Variants in LRP5 observed in about 807,000 individuals in gnomAD.
LRP5 encodes the protein low-density lipoprotein receptor-related protein 5.
A neutral mutation model predicts 154.1 loss-of-function variants in LRP5; 62 were observed. The ratio of observed to expected loss-of-function variants is 0.40; its 90% CI spans 0.33 to 0.50. The LOEUF (loss-of-function observed/expected upper bound fraction) is 0.50. Among genes scored for constraint, LRP5 ranks in the 20% least tolerant of loss-of-function variants. The pLI, the probability that LRP5 is intolerant of heterozygous loss-of-function variation, is 0.55. For synonymous variants in LRP5, 966 were observed against 1,011.5 expected (o/e 0.96, Z 0.85); for missense variants, 1,915 against 2,336.7 (o/e 0.82, Z 3.72).
chr11:68,366,930 C>T (rs982938420), intron 5 of LRP5, among the ~76,000 whole-genome samples: 3 of 131,448 alleles, frequency 2.3e-5, no homozygotes, highest in African/African-American at 8.6e-5. Context: ...GGCATTGCTC[C>T]GAGGCACTGG....
intron 1 of LRP5, among the ~76,000 whole-genome samples, chr11:68,326,815 C>T (rs572347675): frequency 6.6e-6 from 1 of 152,378 alleles, no homozygotes; most frequent in East Asian, 1.9e-4. Context: ...ACACCAGAGT[C>T]CTTGCGGCAT....
chr11:68,374,578 G>C (rs1298421306), intron 5 of LRP5, among the ~76,000 whole-genome samples: 1 of 152,144 alleles, frequency 6.6e-6, no homozygotes, highest in Admixed American at 6.5e-5. Flanking sequence ...GTGTACATTT[G>C]GATTAACTTT....
intron 20 of LRP5, among the ~76,000 whole-genome samples, chr11:68,439,539 G>T (rs965873053): frequency 6.6e-6 from 1 of 152,138 alleles, no homozygotes; most frequent in Admixed American, 6.5e-5. Context: ...TGCCCCAGTC[G>T]CAGGCCCCTT....
intron 8 of LRP5, 40 bp from the exon 9 acceptor site, chr11:68,406,484 C>T: frequency 1.9e-6 from 3 of 1,606,794 alleles, no homozygotes; most frequent in Non-Finnish European, 2.6e-6. Flanking sequence ...CCCTGCTGGG[C>T]TGTTGATGTT....
the LRP5 span, among the ~76,000 whole-genome samples, chr11:68,305,346 C>A: frequency 1.3e-5 from 2 of 151,980 alleles, no homozygotes; most frequent in African/African-American, 4.8e-5. Context: ...GCCTTCCCAG[C>A]AACCAAGCAG....
rs1329203152 is a variant in LRP5 at position 68,389,887 on chromosome 11, G to A, written c.1419G>A (p.Met473Ile). 6.2e-7 allele frequency: 1 copy of A among 1,614,256 alleles called. No homozygotes were observed. The stretch of plus-strand genomic sequence containing the variant: ...ACTTCTGCTTCTTCTCCAGCCTCAT[G>A]TACTGGACAGACTGGGGAGAGAACC... ...AIALHPVMGL[M>I]YWTDWGENPK... Residue 473 changes from methionine to isoleucine, a missense_variant, in exon 7 of 23, where the codon ATG (methionine) becomes ATA (isoleucine). Coordinates refer to ENST00000294304, the MANE Select transcript of LRP5 (RefSeq NM_002335.4).
At chr11:68,401,350 A>G (rs2098652537) in intron 7 of LRP5, among the ~76,000 whole-genome samples, 2 of 152,156 alleles carry the variant, frequency 1.3e-5, no homozygotes, top group Non-Finnish European at 2.9e-5. Context: ...GAGAGCTCAG[A>G]CTTCCAGGCA....
At chr11:68,306,290 C>T in the LRP5 span, among the ~76,000 whole-genome samples, 4 of 152,206 alleles carry the variant, frequency 2.6e-5, no homozygotes, top group African/African-American at 7.2e-5. Flanking sequence ...CACCCGCCAC[C>T]ATGCCTTGCT....
chr11:68,337,712 A>C (rs1242343237), intron 1 of LRP5, among the ~76,000 whole-genome samples: 5 of 151,612 alleles, frequency 3.3e-5, no homozygotes, highest in Non-Finnish European at 7.4e-5. Context: ...ACCCATAGTC[A>C]GGTCTACCTC....
chr11:68,383,673 G>T (rs1454115323), intron 5 of LRP5, among the ~76,000 whole-genome samples: 1 of 152,240 alleles, frequency 6.6e-6, no homozygotes, highest in Non-Finnish European at 1.5e-5. Flanking sequence ...TGTGCTGGGG[G>T]CTGTGGAGAG....
intron 4 of LRP5, among the ~76,000 whole-genome samples, chr11:68,364,757 C>T (rs1181846941): frequency 6.6e-6 from 1 of 152,080 alleles, no homozygotes; most frequent in East Asian, 1.9e-4. Flanking sequence ...CCTAGGGGTG[C>T]CAGCTGTTCC....
chr11:68,347,930 G>T lies in LRP5; in HGVS notation c.175G>T (p.Val59Phe). 1.2e-6 allele frequency: 2 copies of T among 1,613,858 alleles called. No individual in the cohort carries two copies. The highest frequency in any genetic ancestry group is 1.7e-6 in the Non-Finnish European group (2 of 1,180,042). ...GGVKLESTIV[V>F]SGLEDAAAVD... ...AGTCAAGCTGGAGTCCACCATCGTG[G>T]TCAGCGGCCTGGAGGATGCGGCCGC... is the stretch of plus-strand genomic sequence containing the variant. The change falls in exon 2 of 23, where the codon GTC (valine) becomes TTC (phenylalanine). Residue 59 changes from valine (V) to phenylalanine (F), a missense_variant. Val to Phe is a conservative substitution (Grantham distance 50). Around this residue, in one of 3 missense-constraint regions of LRP5, gnomAD observed 773 missense variants for 1,100.9 expected, o/e 0.70. Coordinates refer to ENST00000294304, the MANE Select transcript of LRP5 (RefSeq NM_002335.4).
chr11:68,444,636 G>T (rs971968987), intron 21 of LRP5, among the ~76,000 whole-genome samples: 3 of 140,598 alleles, frequency 2.1e-5, no homozygotes, highest in Non-Finnish European at 4.5e-5. Context: ...GTGGTTCACG[G>T]GACATCTGAG....
chr11:68,334,632 T>G (rs1004490164), intron 1 of LRP5, among the ~76,000 whole-genome samples: 4 of 152,098 alleles, frequency 2.6e-5, no homozygotes, highest in African/African-American at 9.7e-5. Flanking sequence ...TCCAGCACTT[T>G]GGGAGGCTGA....
At chr11:68,365,525 C>G (rs143193305) in intron 4 of LRP5, 46 bp from the exon 5 acceptor site, 2 of 1,612,766 alleles carry the variant, frequency 1.2e-6, no homozygotes, top group South Asian at 2.2e-5. Context: ...AAACAAGTGA[C>G]GGTCCTCTTC....
Position 68,416,434 on chromosome 11 carries a change from C to T in LRP5, c.2934C>T (p.Asn978=), listed in dbSNP as rs747039844. The change falls in exon 13 of 23, where the codon AAC becomes AAT. Residue 978 remains asparagine (N), a synonymous_variant. Coordinates refer to ENST00000294304, the MANE Select transcript of LRP5 (RefSeq NM_002335.4). ...TCCTGCCCCTGCATGGACTGAGGAACGTCAAAGCCATCGACTATGACCCAC... is the reference window on the plus strand; with the variant it reads ...TCCTGCCCCTGCATGGACTGAGGAATGTCAAAGCCATCGACTATGACCCAC... The part of the protein sequence containing the change: ...DLILPLHGLR[N]VKAIDYDPLD... The T allele has an allele frequency of 4.0e-5, 64 of 1,614,006 alleles. No individual in the cohort carries two copies. Among genetic ancestry groups the T allele is most frequent in the South Asian group, 3.3e-4 (30 of 91,088 alleles).
At chr11:68,327,331 G>T (rs1366126868) in intron 1 of LRP5, among the ~76,000 whole-genome samples, 6 of 152,224 alleles carry the variant, frequency 3.9e-5, no homozygotes, top group Admixed American at 3.9e-4. Context: ...GTCCTGGGAG[G>T]CCACGGTCAT....
intron 13 of LRP5, 87 bp downstream of exon 13, chr11:68,416,614 G>T: frequency 7.8e-7 from 1 of 1,287,350 alleles, no homozygotes; most frequent in East Asian, 2.5e-5. Context: ...GTCCTTAGCA[G>T]AGGGAGGAAA....
chr11:68,417,605 C>T lies in LRP5; in HGVS notation c.3027+1078C>T, dbSNP rs552944965. ...CCTCCTGAGTAACTGGGATTACAGG[C>T]ATGAGCCACCGCGGCCGGCCAGATT... is the stretch of plus-strand genomic sequence containing the variant. On this transcript the variant is annotated intron_variant, in intron 13 of 22. Transcript: ENST00000294304. Among the ~76,000 whole-genome samples the T allele has an allele frequency of 2.7e-4, 41 of 151,592 alleles. 1 individual carries two copies. The highest frequency in any genetic ancestry group is 9.7e-4 in the African/African-American group (40 of 41,416).
Sources: gnomAD v4.1 joint callset for allele counts (sites outside exome capture counted in the v4.1 genomes callset) on GRCh38, gnomAD v4.1.1 for gene constraint, gnomAD v4.1.1 regional missense constraint, MANE v1.5 for transcripts, NCBI Gene and HGNC (gene_info 2026-07-23, HGNC 2026-07-21) for gene names.